The following ERCC6 variants were observed in gnomAD, a reference collection of about 807,000 sequenced individuals.
The protein encoded by ERCC6 is ERCC excision repair 6, chromatin remodeling factor, also known as DNA excision repair protein ERCC-6.
A neutral mutation model predicts 158.7 loss-of-function variants in ERCC6; 116 were observed. The observed-to-expected ratio is 0.73, with a 90% confidence interval of 0.63 to 0.85. The LOEUF is 0.85. ERCC6 is among the 40% of genes least tolerant of loss of function. The probability of loss-of-function intolerance (pLI) is 0.00; values close to 1 mark genes in which losing one functional copy is unlikely to be tolerated. For synonymous variants in ERCC6, 678 were observed against 659.3 expected (o/e 1.03, Z -0.43); for missense variants, 1,698 against 1,799.4 (o/e 0.94, Z 1.02).
At chr10:49,452,834 G>C (rs1230571819), downstream of ERCC6, among the ~76,000 whole-genome samples, 2 of 151,972 alleles carry the variant, frequency 1.3e-5, no homozygotes, top group African/African-American at 4.8e-5. Flanking sequence ...CTATCTCTAG[G>C]AGCATTTTTG....
intron 7 of ERCC6, among the ~76,000 whole-genome samples, chr10:49,495,817 T>C (rs1413205206): frequency 1.3e-5 from 2 of 152,324 alleles, no homozygotes; most frequent in East Asian, 1.9e-4. Flanking sequence ...GTCTACACTG[T>C]TGCTATGCCA....
chr10:49,531,702 G>A (rs1312000105), intron 2 of ERCC6, among the ~76,000 whole-genome samples: 1 of 152,182 alleles, frequency 6.6e-6, no homozygotes, highest in Admixed American at 6.5e-5. Flanking sequence ...GAACACACCA[G>A]GGAATGGTTA....
At chr10:49,528,916 A>G (rs1185018724) in intron 3 of ERCC6, among the ~76,000 whole-genome samples, 2 of 152,390 alleles carry the variant, frequency 1.3e-5, no homozygotes, top group African/African-American at 4.8e-5. Context: ...CCAATGGGCT[A>G]TGGAAGTCAA....
chr10:49,470,073 A>G (rs1266380679), intron 18 of ERCC6, 109 bp downstream of exon 18: 1 of 973,674 alleles, frequency 1.0e-6, no homozygotes, highest in Admixed American at 1.9e-5. Context: ...AAAAACACTA[A>G]TGGCTGACAG....
chr10:49,499,189 A>G (rs1359744826), intron 7 of ERCC6, among the ~76,000 whole-genome samples: 3 of 152,216 alleles, frequency 2.0e-5, no homozygotes, highest in African/African-American at 7.2e-5. Context: ...CTGCTTCAAT[A>G]TAACTTCCTT....
intron 10 of ERCC6, among the ~76,000 whole-genome samples, chr10:49,479,085 C>A (rs1164422702): frequency 6.6e-6 from 1 of 151,316 alleles, no homozygotes; most frequent in East Asian, 1.9e-4. Context: ...AGCACGGCCA[C>A]ATGAGATGAG....
At chr10:49,526,107 T>TATATATATATATATATA (rs1837320157) in intron 4 of ERCC6, among the ~76,000 whole-genome samples, 1 of 80,562 alleles carries the variant, frequency 1.2e-5, no homozygotes. Context: ...ATTTATATAT[T>TATATATATATATATATA]TATATATTTT....
At chr10:49,519,939 C>T (rs4253057) in intron 5 of ERCC6, among the ~76,000 whole-genome samples, 50 of 152,296 alleles carry the variant, frequency 3.3e-4, no homozygotes, top group African/African-American at 1.1e-3. Context: ...AGGCCCCTAC[C>T]CTCTGAAGGT....
chr10:49,470,223 C>T lies in ERCC6; in HGVS notation c.3737G>A (p.Ser1246Asn). ...CTTTTCCAAAACATAATCGTCATTG[C>T]TCTGTTCCTTGGCCTCACTCTTGTT... ...SENKSEAKEQ[S>N]NDDYVLEKLF... Residue 1246 changes from serine to asparagine, a missense_variant, in exon 18 of 21, where the codon AGC becomes AAC. By Grantham distance (46) the Ser-to-Asn change is conservative. Transcript: ENST00000355832. 1.2e-6 allele frequency: 2 copies of T among 1,614,172 alleles called. No individual in the cohort carries two copies. Among genetic ancestry groups the T allele is most frequent in the Non-Finnish European group, 1.7e-6 (2 of 1,180,028 alleles).
intron 4 of ERCC6, among the ~76,000 whole-genome samples, chr10:49,526,117 T>TATATATATATATATATATA (rs1837326508): frequency 2.3e-5 from 1 of 43,588 alleles, no homozygotes; most frequent in Non-Finnish European, 5.1e-5. Flanking sequence ...TTATATATTT[T>TATATATATATATATATATA]TATATATATA....
At chr10:49,442,213 C>T in the ERCC6 span, among the ~76,000 whole-genome samples, 6 of 152,360 alleles carry the variant, frequency 3.9e-5, no homozygotes, top group East Asian at 7.7e-4. Context: ...GACAGTTACG[C>T]ACGGGTGAGC....
Position 49,458,581 on chromosome 10 carries a change from C to T in ERCC6, c.*234G>A. 1.9e-6 allele frequency: 1 copy of T among 519,072 alleles called. No homozygotes were observed. The highest frequency in any genetic ancestry group is 2.3e-5 in the South Asian group (1 of 43,638). The allele number at this position is 519,072 out of a possible 1,614,324, so 32.2% of individuals were successfully genotyped here. ...CCTGATTTACAATATAATTAGATTG[C>T]CAAAAAAAAAAAAATCAATCCAAGT... On this transcript the variant is annotated 3_prime_UTR_variant, in exon 21 of 21. Transcript: ENST00000355832.
chr10:49,483,313 C>T (rs780831345), intron 9 of ERCC6, 33 bp downstream of exon 9: 58 of 1,606,188 alleles, frequency 3.6e-5, no homozygotes, highest in Non-Finnish European at 4.9e-5. Context: ...TTCTTCTCCA[C>T]TTGGAAATCT....
chr10:49,485,459 T>C (rs1851060795), intron 8 of ERCC6, among the ~76,000 whole-genome samples: 1 of 152,184 alleles, frequency 6.6e-6, no homozygotes, highest in African/African-American at 2.4e-5. Context: ...AGCCTAAATA[T>C]TAAACACTTA....
chr10:49,470,203 C>T lies in ERCC6; in HGVS notation c.3757G>A (p.Glu1253Lys). ...TTACCTGATTTTTTGAAAAGCTTTT[C>T]CAAAACATAATCGTCATTGCTCTGT... ...KEQSNDDYVL[E>K]KLFKKSVGVH... Residue 1253 changes from glutamate to lysine, a missense_variant, in exon 18 of 21, where the codon GAA becomes AAA. Coordinates refer to ENST00000355832, the MANE Select transcript of ERCC6 (RefSeq NM_000124.4). The T allele has an allele frequency of 6.2e-7, 1 of 1,614,096 alleles. No homozygotes were observed. The highest frequency in any genetic ancestry group is 1.1e-5 in the South Asian group (1 of 91,070).
At position 49,466,621 on chromosome 10, in the gene ERCC6, CCCA is replaced by C. The variant is rs1206042705; in HGVS notation, c.3778+3558_3778+3560del. Among the ~76,000 whole-genome samples, 13 of 152,288 alleles carry C rather than the reference CCCA, an allele frequency of 8.5e-5. No homozygotes were observed. In the East Asian group the frequency reaches 2.1e-3, roughly 25 times the overall value. ...TGCAAAACTCATGTCCCTTTGTAAT[CCCA>C]CCGTCAAATACCCCATGCCCAGACA... On this transcript the variant is annotated intron_variant, in intron 18 of 20. Transcript: ENST00000355832.
At chr10:49,538,077 T>C (rs1205598325) in intron 1 of ERCC6, among the ~76,000 whole-genome samples, 2 of 152,168 alleles carry the variant, frequency 1.3e-5, no homozygotes, top group Admixed American at 6.5e-5. Context: ...ATTTTTAACT[T>C]TGAGTTAAGA....
chr10:49,480,419 C>T (rs1207543772), intron 10 of ERCC6, among the ~76,000 whole-genome samples: 3 of 152,102 alleles, frequency 2.0e-5, no homozygotes, highest in Non-Finnish European at 2.9e-5. Flanking sequence ...GAATAAATAC[C>T]GGCACACAGA....
chr10:49,490,305 G>A (rs1352973893), intron 8 of ERCC6, among the ~76,000 whole-genome samples: 1 of 151,598 alleles, frequency 6.6e-6, no homozygotes, highest in African/African-American at 2.4e-5. Context: ...AATGATAGAT[G>A]TGCTTAATTG....
Sources: gnomAD v4.1 joint callset for allele counts (sites outside exome capture counted in the v4.1 genomes callset) on GRCh38, gnomAD v4.1.1 for gene constraint, MANE v1.5 for transcripts, NCBI Gene and HGNC (gene_info 2026-07-23, HGNC 2026-07-21) for gene names.